ATG7: variants seen among roughly 807,000 people sequenced by gnomAD.
The protein encoded by ATG7 is autophagy related 7.
In ATG7, 70 loss-of-function variants were observed where a neutral mutation model predicts 82.4. The ratio of observed to expected loss-of-function variants is 0.85; its 90% CI spans 0.70 to 1.04. ATG7 has a LOEUF of 1.04. ATG7 is among the 50% of genes least tolerant of loss of function. The probability of loss-of-function intolerance (pLI) is 0.00; values close to 1 mark genes in which losing one functional copy is unlikely to be tolerated. For missense variants in ATG7, 792 were observed against 864.3 expected (o/e 0.92, Z 1.05); for synonymous variants, 287 against 313.0 (o/e 0.92, Z 0.88).
At chr3:11,458,261 GT>G (rs1213932944) in intron 20 of ATG7, among the ~76,000 whole-genome samples, 1 of 151,800 alleles carries the variant, frequency 6.6e-6, no homozygotes, top group Non-Finnish European at 1.5e-5. Flanking sequence ...TCAGACTTGG[GT>G]TTTTTTGTTT....
chr3:11,412,085 A>G (rs9875414), intron 19 of ATG7, among the ~76,000 whole-genome samples: 77,765 of 151,606 alleles, frequency 0.51, 20,861 homozygotes, highest in East Asian at 0.68. Context: ...AAGGCTTTAA[A>G]TCTGGTGCTG....
chr3:11,444,969 T>C (rs2084378406), intron 20 of ATG7, among the ~76,000 whole-genome samples: 1 of 152,184 alleles, frequency 6.6e-6, no homozygotes, highest in Admixed American at 6.5e-5. Context: ...TCATCATCAC[T>C]AGTCATTAGA....
intron 20 of ATG7, among the ~76,000 whole-genome samples, chr3:11,543,972 C>T (rs1267487833): frequency 1.3e-5 from 2 of 152,336 alleles, no homozygotes; most frequent in South Asian, 2.1e-4. Flanking sequence ...AGGGCATGAA[C>T]CATCAGCCCC....
intron 19 of ATG7, among the ~76,000 whole-genome samples, chr3:11,412,946 T>C (rs2081047476): frequency 6.6e-6 from 1 of 152,178 alleles, no homozygotes; most frequent in Non-Finnish European, 1.5e-5. Flanking sequence ...TATATTCTTT[T>C]TGATGCTATT....
intron 19 of ATG7, among the ~76,000 whole-genome samples, chr3:11,382,641 G>C (rs950715610): frequency 3.5e-4 from 54 of 152,256 alleles, no homozygotes; most frequent in African/African-American, 1.1e-3. Context: ...GAAATTCCAA[G>C]CTAACTAGAG....
chr3:11,310,806 GTA>G (rs1273055039), intron 7 of ATG7, among the ~76,000 whole-genome samples: 1 of 151,908 alleles, frequency 6.6e-6, no homozygotes, highest in Non-Finnish European at 1.5e-5. Context: ...CTAATTTTTT[GTA>G]TTTTTAGTAG....
chr3:11,425,514 C>T (rs1302952899), intron 19 of ATG7, among the ~76,000 whole-genome samples: 1 of 152,026 alleles, frequency 6.6e-6, no homozygotes, highest in Admixed American at 6.6e-5. Context: ...TTGTGAGTTC[C>T]CAGAGAATTT....
At chr3:11,559,291 C>A, downstream of ATG7, 2 of 1,495,474 alleles carry the variant, frequency 1.3e-6, no homozygotes, top group Non-Finnish European at 8.9e-7. Context: ...TCTGCTGCCA[C>A]TAGCACAGCT....
rs572333381 is a variant in ATG7, at chr3:11,553,145, G to A, written c.2080-1666G>A. Reference sequence around the variant, plus strand: ...ATCTTGCCCCATCACCTCCCACCTCGGCCCCTTCCTCCAGGCAGCCCGCCC... The same window carrying A: ...ATCTTGCCCCATCACCTCCCACCTCAGCCCCTTCCTCCAGGCAGCCCGCCC... On this transcript the variant is annotated intron_variant, in intron 20 of 20. Transcript: ENST00000693202. Among the ~76,000 whole-genome samples the A allele has an allele frequency of 1.3e-3, 192 of 152,068 alleles. 2 individuals are homozygous for A. Among genetic ancestry groups the A allele is most frequent in the South Asian group, 9.8e-3 (47 of 4,804 alleles).
At chr3:11,513,272 G>C (rs1382692698) in intron 20 of ATG7, among the ~76,000 whole-genome samples, 2 of 152,264 alleles carry the variant, frequency 1.3e-5, no homozygotes, top group Non-Finnish European at 2.9e-5. Context: ...GGTGGTGGAT[G>C]AGACTGGGCG....
At chr3:11,352,440 A>G (rs1342289385) in intron 14 of ATG7, among the ~76,000 whole-genome samples, 1 of 152,198 alleles carries the variant, frequency 6.6e-6, no homozygotes, top group Non-Finnish European at 1.5e-5. Context: ...GTCTTGCACA[A>G]TGGTTAAACT....
intron 20 of ATG7, among the ~76,000 whole-genome samples, chr3:11,531,709 A>ATAAAATTC (rs1181272959): frequency 6.6e-6 from 1 of 150,830 alleles, no homozygotes; most frequent in Non-Finnish European, 1.5e-5. Flanking sequence ...CTGTCTTTGC[A>ATAAAATTC]AAAAATTAGC....
intron 1 of ATG7, among the ~76,000 whole-genome samples, 166 bp from the exon 2 acceptor site, chr3:11,280,827 AT>A (rs1200887140): frequency 2.0e-5 from 3 of 152,244 alleles, no homozygotes. Context: ...GTAAATGTTG[AT>A]AAATATTCAT....
intron 20 of ATG7, among the ~76,000 whole-genome samples, chr3:11,470,044 T>C (rs1230234244): frequency 6.7e-6 from 1 of 149,358 alleles, no homozygotes; most frequent in Admixed American, 6.6e-5. Flanking sequence ...CTGTGCGTGC[T>C]TCAGCTACCC....
At chr3:11,554,611 C>A (rs551207224) in intron 20 of ATG7, among the ~76,000 whole-genome samples, 200 bp from the exon 21 acceptor site, 1 of 152,308 alleles carries the variant, frequency 6.6e-6, no homozygotes, top group African/African-American at 2.4e-5. Flanking sequence ...TTGGTTCCAC[C>A]AGGTGGTTCA....
At chr3:11,321,156 C>T (rs1950162526) in intron 9 of ATG7, among the ~76,000 whole-genome samples, 1 of 152,182 alleles carries the variant, frequency 6.6e-6, no homozygotes, top group Admixed American at 6.5e-5. Flanking sequence ...CGTCTAATGT[C>T]AGAGACGCAC....
intron 20 of ATG7, among the ~76,000 whole-genome samples, chr3:11,474,366 G>A (rs1453982842): frequency 6.6e-6 from 1 of 152,228 alleles, no homozygotes; most frequent in Non-Finnish European, 1.5e-5. Context: ...TGAGAGGCCC[G>A]AGGTAGGTGG....
At chr3:11,289,984 G>A (rs567222607) in intron 3 of ATG7, among the ~76,000 whole-genome samples, 5 of 152,180 alleles carry the variant, frequency 3.3e-5, no homozygotes, top group South Asian at 4.2e-4. Context: ...TATAAATAAC[G>A]TTTGTACAAC....
intron 18 of ATG7, among the ~76,000 whole-genome samples, chr3:11,370,576 C>T (rs2152828993): frequency 6.6e-6 from 1 of 151,274 alleles, no homozygotes; most frequent in Admixed American, 6.6e-5. Flanking sequence ...GAAGTTAAAG[C>T]AGCAAGTTCC....
Sources: gnomAD v4.1 joint callset for allele counts (sites outside exome capture counted in the v4.1 genomes callset) on GRCh38, gnomAD v4.1.1 for gene constraint, MANE v1.5 for transcripts, NCBI Gene and HGNC (gene_info 2026-07-23, HGNC 2026-07-21) for gene names.